The following ELP2 variants were observed in gnomAD, a reference collection of about 807,000 sequenced individuals.
ELP2 encodes the protein elongator acetyltransferase complex subunit 2, also known as elongator complex protein 2.
Under a neutral mutation model 119.2 loss-of-function variants are expected in ELP2, and 90 were observed. The ratio of observed to expected loss-of-function variants is 0.75; its 90% CI spans 0.64 to 0.90. ELP2 has a LOEUF of 0.90. Ranked by LOEUF, ELP2 falls within the 40% of genes least tolerant of loss-of-function variation. The pLI, the probability that ELP2 is intolerant of heterozygous loss-of-function variation, is 0.00. For missense variants in ELP2, 921 were observed against 967.8 expected (o/e 0.95, Z 0.64); for synonymous variants, 339 against 331.0 (o/e 1.02, Z -0.26).
chr18:36,154,803 G>A (rs565621548), intron 11 of ELP2, 47 bp from the exon 12 acceptor site: 3 of 1,610,450 alleles, frequency 1.9e-6, no homozygotes, highest in East Asian at 2.2e-5. Flanking sequence ...TACTTTGGTG[G>A]TAGTCTTTGA....
At chr18:36,143,421 CTTTTTTTTTT>C (rs67196641) in intron 8 of ELP2, among the ~76,000 whole-genome samples, 1 of 98,022 alleles carries the variant, frequency 1.0e-5, no homozygotes, top group Non-Finnish European at 2.0e-5. Flanking sequence ...CGTGCCTGGC[CTTTTTTTTTT>C]TTTTTTTTTT....
At position 36,138,879 on chromosome 18, in the gene ELP2, A is replaced by G; in HGVS notation, c.523+7A>G. The G allele has an allele frequency of 1.2e-6, 2 of 1,608,950 alleles. No individual in the cohort carries two copies. The highest frequency in any genetic ancestry group is 3.3e-4 in the Middle Eastern group (2 of 6,050). On this transcript the variant is annotated splice_region_variant and intron_variant, in intron 5 of 21. Coordinates refer to ENST00000358232, the MANE Select transcript of ELP2 (RefSeq NM_018255.4). Reference sequence around the variant, plus strand: ...TTTTTGCCAAATACTGATGGTGAGTATCCTGTTAAGTATATGTTAAAAGGG... The same window carrying G: ...TTTTTGCCAAATACTGATGGTGAGTGTCCTGTTAAGTATATGTTAAAAGGG...
At position 36,164,678 on chromosome 18, in the gene ELP2, T is replaced by A; in HGVS notation, c.1954+11T>A. ...TCTCACCTGAGTTCGGTAAAACAGC[T>A]TCTGATTGGGAAAGTTATTAGTGAA... On this transcript the variant is annotated intron_variant, in intron 18 of 21. Transcript: ENST00000358232. The A allele has an allele frequency of 1.2e-6, 2 of 1,613,356 alleles. No individual in the cohort carries two copies. Among genetic ancestry groups the A allele is most frequent in the Non-Finnish European group, 1.7e-6 (2 of 1,179,386 alleles).
At position 36,174,919 on chromosome 18, in the gene ELP2, C is replaced by T; in HGVS notation, c.*278C>T. The T allele has an allele frequency of 2.7e-6, 1 of 370,172 alleles. No homozygotes were observed. Among genetic ancestry groups the T allele is most frequent in the South Asian group, 2.5e-5 (1 of 39,978 alleles). The allele number at this position is 370,172 out of a possible 1,614,324, so 22.9% of individuals were successfully genotyped here. A position where few individuals can be genotyped will look rare whatever the true frequency, so the allele number is the denominator to read the frequency against. ...CGTTGGCCAGGCGGGTCTCAAACTC[C>T]TCGTCTCAGGTGATCTGCTTGCCTC... On this transcript the variant is annotated 3_prime_UTR_variant, in exon 22 of 22. Transcript: ENST00000358232.
chr18:36,132,462 T>G (rs957628111), intron 1 of ELP2, among the ~76,000 whole-genome samples: 3 of 152,240 alleles, frequency 2.0e-5, no homozygotes, highest in Non-Finnish European at 4.4e-5. Flanking sequence ...TCTTCCTTTT[T>G]CTTAGCCATG....
At chr18:36,160,444 A>T (rs1313565124) in intron 16 of ELP2, among the ~76,000 whole-genome samples, 1 of 151,842 alleles carries the variant, frequency 6.6e-6, no homozygotes, top group Non-Finnish European at 1.5e-5. Flanking sequence ...AGGCATGATG[A>T]TGCATGCCTG....
At chr18:36,131,331 A>T (rs544019281) in intron 1 of ELP2, among the ~76,000 whole-genome samples, 4 of 152,248 alleles carry the variant, frequency 2.6e-5, no homozygotes, top group African/African-American at 9.6e-5. Context: ...AAACAAGGGT[A>T]AACTTTAAAG....
At chr18:36,135,699 A>C (rs779629912) in intron 2 of ELP2, among the ~76,000 whole-genome samples, 1 of 152,218 alleles carries the variant, frequency 6.6e-6, no homozygotes, top group Non-Finnish European at 1.5e-5. Flanking sequence ...CCTGACTACA[A>C]TGTTTCATAT....
chr18:36,169,748 C>G (rs1178157914), intron 19 of ELP2, among the ~76,000 whole-genome samples: 1 of 152,088 alleles, frequency 6.6e-6, no homozygotes, highest in Non-Finnish European at 1.5e-5. Flanking sequence ...CATGAGCCTA[C>G]TGATGGGACT....
In ELP2 at chr18:36,160,933, T is replaced by C. The variant is rs1431555388; in HGVS notation, c.1690T>C (p.Tyr564His). The C allele has an allele frequency of 6.2e-7, 1 of 1,608,144 alleles. No homozygotes were observed. ...ACTTTTTTTCTTTTTAAATTTTAGA[T>C]ATGGGCACGGTTATGAAATATTTTG... is the stretch of plus-strand genomic sequence containing the variant. Reference protein sequence around the residue: ...NTLWPEVQKLYGHGYEIFCVT... With the variant: ...NTLWPEVQKLHGHGYEIFCVT... Residue 564 changes from tyrosine (Y) to histidine (H), a missense_variant and splice_region_variant, in exon 17 of 22, where the codon TAT (tyrosine) becomes CAT (histidine). By Grantham distance (83) the Tyr-to-His change is moderately conservative (BLOSUM62 2). Transcript: ENST00000358232.
At chr18:36,155,296 A>G (rs1265859487) in intron 12 of ELP2, among the ~76,000 whole-genome samples, 1 of 116,850 alleles carries the variant, frequency 8.6e-6, no homozygotes, top group African/African-American at 3.4e-5. Context: ...GTGCTGGGTT[A>G]TAGGCATGAG....
intron 20 of ELP2, 98 bp from the exon 21 acceptor site, chr18:36,170,949 G>A (rs1568029970): frequency 1.2e-6 from 1 of 847,684 alleles, no homozygotes. Flanking sequence ...TGTAAGGCAG[G>A]GACAGTTGGG....
rs987115062 is a variant in ELP2, at chr18:36,177,323, C to T, written c.*2682C>T. The T allele has an allele frequency of 2.6e-5, 4 of 152,150 alleles. No individual in the cohort carries two copies. The highest frequency in any genetic ancestry group is 9.7e-5 in the African/African-American group (4 of 41,428). 9.4% of individuals were successfully genotyped at this position (152,150 alleles called of 1,614,324 possible). On this transcript the variant is annotated 3_prime_UTR_variant, in exon 22 of 22. Transcript: ENST00000358232. The stretch of plus-strand genomic sequence containing the variant: ...TTCATACAGTGGAATATTATTCAGC[C>T]TCTAAAAGGAAGATACGCTGACATG...
In ELP2 at chr18:36,176,584, T is replaced by TG. The variant is rs2091227027; in HGVS notation, c.*1945dup. The TG allele has an allele frequency of 6.6e-6, 1 of 152,238 alleles. No individual in the cohort carries two copies. The highest frequency in any genetic ancestry group is 2.4e-5 in the African/African-American group (1 of 41,462). The allele number at this position is 152,238 out of a possible 1,614,324, so 9.4% of individuals were successfully genotyped here. A position where few individuals can be genotyped will look rare whatever the true frequency, so the allele number is the denominator to read the frequency against. On this transcript the variant is annotated 3_prime_UTR_variant, in exon 22 of 22. Transcript: ENST00000358232. ...CAAATTGTCCTCAAGCATCTTCCTCTGGAATCACCTTACTGTTTAGTAAAC... is the reference window on the plus strand; with the variant it reads ...CAAATTGTCCTCAAGCATCTTCCTCTGGGAATCACCTTACTGTTTAGTAAAC...
intron 18 of ELP2, among the ~76,000 whole-genome samples, chr18:36,165,829 C>T (rs1171342173): frequency 6.6e-6 from 1 of 151,968 alleles, no homozygotes; most frequent in Non-Finnish European, 1.5e-5. Flanking sequence ...TTGCAGTGAG[C>T]CAAGATGATG....
chr18:36,133,897 G>GTTTTTTTTTTTTTT (rs57135329), intron 2 of ELP2, among the ~76,000 whole-genome samples: 3 of 60,804 alleles, frequency 4.9e-5, no homozygotes, highest in African/African-American at 2.2e-4. Context: ...TTTTTTAGGG[G>GTTTTTTTTTTTTTT]TTTTTTTTTT....
At chr18:36,145,598 C>T (rs1213500950) in intron 9 of ELP2, among the ~76,000 whole-genome samples, 1 of 152,140 alleles carries the variant, frequency 6.6e-6, no homozygotes, top group Non-Finnish European at 1.5e-5. Context: ...TTCACCTCTT[C>T]CTTACATTAT....
chr18:36,163,616 A>T (rs151015515), intron 17 of ELP2, among the ~76,000 whole-genome samples: 1 of 152,026 alleles, frequency 6.6e-6, no homozygotes, highest in Non-Finnish European at 1.5e-5. Flanking sequence ...GATACTTTCA[A>T]ATTAACTCTT....
At chr18:36,135,469 G>A (rs920619547) in intron 2 of ELP2, among the ~76,000 whole-genome samples, 16 of 152,158 alleles carry the variant, frequency 1.1e-4, no homozygotes, top group Non-Finnish European at 1.3e-4. Context: ...AGCAGAGTTA[G>A]GACATGAACC....
Sources: gnomAD v4.1 joint callset for allele counts (sites outside exome capture counted in the v4.1 genomes callset) on GRCh38, gnomAD v4.1.1 for gene constraint, MANE v1.5 for transcripts, NCBI Gene and HGNC (gene_info 2026-07-23, HGNC 2026-07-21) for gene names.